The following CDK14 variants were observed in gnomAD, a reference collection of about 807,000 sequenced individuals.
CDK14 encodes the protein cyclin dependent kinase 14, also known as cyclin-dependent kinase 14.
In CDK14, 34 loss-of-function variants were observed where a neutral mutation model predicts 60.7. The ratio of observed to expected loss-of-function variants is 0.56; its 90% CI spans 0.43 to 0.75. The LOEUF (loss-of-function observed/expected upper bound fraction) is 0.75, where lower values mean the gene tolerates loss of function less well. CDK14 is among the 30% of genes least tolerant of loss of function. CDK14 has a pLI of 0.00. For synonymous variants in CDK14, 197 were observed against 203.7 expected, an observed-to-expected ratio of 0.97 and a Z score of 0.28; for missense variants, 482 against 564.1, an observed-to-expected ratio of 0.85 and a Z score of 1.47.
At chr7:91,023,530 T>TCGA (rs1163091596) in intron 10 of CDK14, among the ~76,000 whole-genome samples, 1 of 152,222 alleles carries the variant, frequency 6.6e-6, no homozygotes, top group Non-Finnish European at 1.5e-5. Context: ...ACACTAGACT[T>TCGA]CTCAGAGTTG....
intron 5 of CDK14, among the ~76,000 whole-genome samples, chr7:90,812,107 C>T (rs1322466311): frequency 6.6e-6 from 1 of 152,110 alleles, no homozygotes; most frequent in Non-Finnish European, 1.5e-5. Context: ...CCCAGCCATC[C>T]CATTACTGGG....
chr7:90,724,208 G>T (rs1802551633), intron 2 of CDK14, among the ~76,000 whole-genome samples: 1 of 151,758 alleles, frequency 6.6e-6, no homozygotes, highest in African/African-American at 2.4e-5. Flanking sequence ...TCTAAGTTGT[G>T]GAATTTATTG....
At chr7:91,054,335 T>C (rs928515742) in intron 11 of CDK14, among the ~76,000 whole-genome samples, 4 of 152,170 alleles carry the variant, frequency 2.6e-5, no homozygotes, top group African/African-American at 9.7e-5. Flanking sequence ...CTAAAAGCCT[T>C]GTGGGTCTGC....
intron 14 of CDK14, among the ~76,000 whole-genome samples, chr7:91,133,783 C>T (rs1175882931): frequency 6.6e-6 from 1 of 152,098 alleles, no homozygotes. Context: ...TCAGAGTCCC[C>T]TTGGATGGGT....
intron 2 of CDK14, among the ~76,000 whole-genome samples, chr7:90,690,745 A>G (rs1801536387): frequency 6.6e-6 from 1 of 152,178 alleles, no homozygotes; most frequent in Non-Finnish European, 1.5e-5. Context: ...TTAATTTAAA[A>G]TAAAATTATT....
intron 2 of CDK14, among the ~76,000 whole-genome samples, chr7:90,663,095 A>C (rs1336501853): frequency 7.6e-6 from 1 of 131,960 alleles, no homozygotes; most frequent in South Asian, 2.4e-4. Context: ...CTAAGATGGG[A>C]ACACACACAC....
At chr7:90,649,896 G>C (rs1800591482) in intron 2 of CDK14, among the ~76,000 whole-genome samples, 1 of 152,100 alleles carries the variant, frequency 6.6e-6, no homozygotes, top group Non-Finnish European at 1.5e-5. Flanking sequence ...GTCTGCTATT[G>C]TGAATAGTGG....
At chr7:91,070,026 G>A (rs1218596487) in intron 11 of CDK14, among the ~76,000 whole-genome samples, 1 of 152,060 alleles carries the variant, frequency 6.6e-6, no homozygotes, top group Non-Finnish European at 1.5e-5. Flanking sequence ...CAAACTCCAA[G>A]GCCCAAGCAA....
At chr7:91,157,133 G>A (rs141560565) in intron 14 of CDK14, among the ~76,000 whole-genome samples, 16 of 152,142 alleles carry the variant, frequency 1.1e-4, no homozygotes, top group East Asian at 7.7e-4. Context: ...TGAATCACAC[G>A]TTTCATATTT....
At chr7:90,682,360 A>C (rs954452523) in intron 2 of CDK14, among the ~76,000 whole-genome samples, 1 of 152,248 alleles carries the variant, frequency 6.6e-6, no homozygotes, top group African/African-American at 2.4e-5. Context: ...AAGAATGCAG[A>C]GAATACTAAA....
intron 2 of CDK14, among the ~76,000 whole-genome samples, chr7:90,697,667 A>G (rs760397320): frequency 6.6e-6 from 1 of 152,230 alleles, no homozygotes; most frequent in African/African-American, 2.4e-5. Flanking sequence ...ACACAATTAT[A>G]TGTCTGAAAC....
At chr7:90,762,943 C>T (rs1804381865) in intron 4 of CDK14, among the ~76,000 whole-genome samples, 1 of 152,080 alleles carries the variant, frequency 6.6e-6, no homozygotes, top group Non-Finnish European at 1.5e-5. Context: ...AGTACCACTG[C>T]ACTCCAGCCT....
intron 14 of CDK14, among the ~76,000 whole-genome samples, chr7:91,199,635 T>C (rs1162387577): frequency 1.3e-5 from 2 of 152,250 alleles, no homozygotes; most frequent in Non-Finnish European, 2.9e-5. Flanking sequence ...TAAAATGATA[T>C]GTTAAGTCAG....
At chr7:90,862,214 A>G (rs1018301546) in intron 5 of CDK14, among the ~76,000 whole-genome samples, 3 of 152,234 alleles carry the variant, frequency 2.0e-5, no homozygotes, top group Non-Finnish European at 4.4e-5. Flanking sequence ...TTGAATGTAA[A>G]TGGTCTAAAC....
intron 4 of CDK14, among the ~76,000 whole-genome samples, chr7:90,769,074 A>G (rs1804681690): frequency 6.6e-6 from 1 of 152,244 alleles, no homozygotes; most frequent in Admixed American, 6.5e-5. Context: ...AGACATTTAT[A>G]TTCAATTTAC....
At chr7:91,138,822 C>T (rs1449386853) in intron 14 of CDK14, among the ~76,000 whole-genome samples, 1 of 151,860 alleles carries the variant, frequency 6.6e-6, no homozygotes, top group Non-Finnish European at 1.5e-5. Flanking sequence ...TTTATGGAAC[C>T]AAGGACAAAA....
At chr7:90,625,744 G>C (rs949465083) in intron 2 of CDK14, among the ~76,000 whole-genome samples, 2 of 152,206 alleles carry the variant, frequency 1.3e-5, no homozygotes, top group African/African-American at 4.8e-5. Context: ...CAGGCTGGCA[G>C]AGGTCCAGAT....
At chr7:90,813,212 G>A (rs1175046987) in intron 5 of CDK14, among the ~76,000 whole-genome samples, 3 of 152,108 alleles carry the variant, frequency 2.0e-5, no homozygotes, top group Admixed American at 6.6e-5. Context: ...GCCCAGGCTG[G>A]AGTGCAGTGG....
At chr7:90,944,136 CCAGATGCCAAT>C (rs1794022778) in intron 8 of CDK14, among the ~76,000 whole-genome samples, 1 of 152,170 alleles carries the variant, frequency 6.6e-6, no homozygotes, top group Non-Finnish European at 1.5e-5. Flanking sequence ...CAAAGTCTAT[CCAGATGCCAAT>C]CAGATGCAGC....
Sources: gnomAD v4.1 joint callset for allele counts (sites outside exome capture counted in the v4.1 genomes callset) on GRCh38, gnomAD v4.1.1 for gene constraint, MANE v1.5 for transcripts, NCBI Gene and HGNC (gene_info 2026-07-23, HGNC 2026-07-21) for gene names.